Variants in C10orf71 observed in about 807,000 individuals in gnomAD.
The protein encoded by C10orf71 is cardiac-enriched FHL2-interacting protein.
For missense variants in C10orf71, 1,869 were observed against 1,804.5 expected (o/e 1.04, Z -0.65); for synonymous variants, 758 against 726.3 (o/e 1.04, Z -0.70).
intron 1 of C10orf71, among the ~76,000 whole-genome samples, chr10:49,312,372 A>G (rs1159685281): frequency 6.6e-6 from 1 of 152,208 alleles, no homozygotes; most frequent in Non-Finnish European, 1.5e-5. Context: ...GGGTCAGTGG[A>G]GGAAGTGCTG....
chr10:49,326,510 C>T lies in C10orf71; in HGVS notation c.3965C>T (p.Pro1322Leu), dbSNP rs58903010. Residue 1322 changes from proline to leucine, a missense_variant, in exon 3 of 3, where the codon CCG becomes CTG. Coordinates refer to ENST00000374144, the MANE Select transcript of C10orf71 (RefSeq NM_001135196.2). ...IPSSEGASPE[P>L]PPPDALAAPY... is the part of the protein sequence containing the mutation. The stretch of plus-strand genomic sequence containing the variant: ...TCCTCCGAGGGGGCCTCCCCAGAGC[C>T]GCCCCCACCGGACGCCCTGGCCGCT... The T allele has an allele frequency of 4.6e-4, 721 of 1,550,544 alleles. 5 individuals are homozygous for T. The African/African-American group carries it at 8.8e-3, about 19-fold the overall frequency.
In C10orf71 at chr10:49,327,404, G is replaced by A. The variant is rs1590346017; in HGVS notation, c.*551G>A. On this transcript the variant is annotated 3_prime_UTR_variant, in exon 3 of 3. Coordinates refer to ENST00000374144, the MANE Select transcript of C10orf71 (RefSeq NM_001135196.2). Reference sequence around the variant, plus strand: ...TTGCACAGAATGGGTTTCCTTCACAGGGAGAAACTTGCCTCTGAAAGCTAT... The same window carrying A: ...TTGCACAGAATGGGTTTCCTTCACAAGGAGAAACTTGCCTCTGAAAGCTAT... 1 of 172,166 alleles carries A rather than the reference G, an allele frequency of 5.8e-6. No individual in the cohort carries two copies. The highest frequency in any genetic ancestry group is 1.9e-4 in the South Asian group (1 of 5,264). 10.7% of individuals were successfully genotyped at this position (172,166 alleles called of 1,614,324 possible). A position where few individuals can be genotyped will look rare whatever the true frequency, so the allele number is the denominator to read the frequency against.
chr10:49,312,328 G>A (rs575947337), intron 1 of C10orf71, among the ~76,000 whole-genome samples: 8 of 152,304 alleles, frequency 5.3e-5, no homozygotes, highest in Non-Finnish European at 7.3e-5. Flanking sequence ...CTGGTGTTTT[G>A]CAGAACCTTC....
rs967435755 is a variant in C10orf71 at position 49,325,143 on chromosome 10, C to A, written c.2598C>A (p.Pro866=). The A allele has an allele frequency of 6.4e-7, 1 of 1,552,136 alleles. No individual in the cohort carries two copies. Among genetic ancestry groups the A allele is most frequent in the Admixed American group, 2.0e-5 (1 of 51,016 alleles). The stretch of plus-strand genomic sequence containing the variant: ...AAGACAACACCCTCAGAGCTACCCC[C>A]GTAATTAAACCTATCATGCTGCCTC... ...TIKDNTLRAT[P]VIKPIMLPLL... is the part of the protein sequence containing the mutation. Residue 866 remains proline (P), a synonymous_variant, in exon 3 of 3, where the codon CCC becomes CCA. Transcript: ENST00000374144.
At position 49,326,798 on chromosome 10, in the gene C10orf71, T is replaced by G; in HGVS notation, c.4253T>G (p.Leu1418Arg). 1 of 1,549,926 alleles carries G rather than the reference T, an allele frequency of 6.5e-7. No homozygotes were observed. Among genetic ancestry groups the G allele is most frequent in the Non-Finnish European group, 8.7e-7 (1 of 1,146,962 alleles). The change falls in exon 3 of 3, where the codon CTG becomes CGG. Residue 1418 changes from leucine to arginine, a missense_variant. Physicochemically the swap from Leu to Arg is moderately radical, Grantham distance 102. Transcript: ENST00000374144. ...PGEEGVEAPG[L>R]GIISTDDLED... ...GAGGAGGGTGTAGAAGCTCCAGGCC[T>G]GGGCATCATCTCCACTGATGACCTA...
At chr10:49,308,875 C>T (rs1848862767) in intron 1 of C10orf71, among the ~76,000 whole-genome samples, 1 of 152,172 alleles carries the variant, frequency 6.6e-6, no homozygotes, top group African/African-American at 2.4e-5. Context: ...ACAGCGAGCC[C>T]CACATGGGAG....
In C10orf71 at chr10:49,326,490, C is replaced by T. The variant is rs1849251435; in HGVS notation, c.3945C>T (p.Ser1315=). Residue 1315 remains serine, a synonymous_variant, in exon 3 of 3, where the codon TCC becomes TCT. Transcript: ENST00000374144. ...GKYVKVSIPS[S]EGASPEPPPP... The stretch of plus-strand genomic sequence containing the variant: ...ATGTCAAGGTCTCCATCCCGTCCTC[C>T]GAGGGGGCCTCCCCAGAGCCGCCCC... The T allele has an allele frequency of 1.3e-6, 2 of 1,550,140 alleles. No individual in the cohort carries two copies. Among genetic ancestry groups the T allele is most frequent in the South Asian group, 1.2e-5 (1 of 84,030 alleles).
chr10:49,322,462 G>A lies in C10orf71; in HGVS notation c.-84G>A, dbSNP rs573313027. ...GGTCAATGAGAGGCTCTAGTTTTGG[G>A]GAAGAGGGAAACACCTAACCTTGAC... On this transcript the variant is annotated 5_prime_UTR_variant, in exon 3 of 3. Coordinates refer to ENST00000374144, the MANE Select transcript of C10orf71 (RefSeq NM_001135196.2). The A allele has an allele frequency of 7.0e-7, 1 of 1,436,964 alleles. No homozygotes were observed. The highest frequency in any genetic ancestry group is 1.4e-5 in the African/African-American group (1 of 69,498). 89.0% of individuals were successfully genotyped at this position (1,436,964 alleles called of 1,614,324 possible).
chr10:49,324,091 T>C lies in C10orf71; in HGVS notation c.1546T>C (p.Ser516Pro). 1 of 1,613,892 alleles carries C rather than the reference T, an allele frequency of 6.2e-7. No individual in the cohort carries two copies. The highest frequency in any genetic ancestry group is 8.5e-7 in the Non-Finnish European group (1 of 1,179,878). ...VRKRVKSTYS[S>P]SPLLKVLDEK... is the part of the protein sequence containing the mutation. ...GAAGCGTGTTAAGAGCACATACAGT[T>C]CCTCACCTCTCTTGAAAGTGCTTGA... The change falls in exon 3 of 3, where the codon TCC (serine) becomes CCC (proline). Residue 516 changes from serine (S) to proline (P), a missense_variant. Transcript: ENST00000374144.
chr10:49,312,880 A>G (rs1848939817), intron 1 of C10orf71, among the ~76,000 whole-genome samples: 1 of 152,220 alleles, frequency 6.6e-6, no homozygotes, highest in Non-Finnish European at 1.5e-5. Context: ...GAAATTTGTG[A>G]TAATTCTGTG....
intron 1 of C10orf71, among the ~76,000 whole-genome samples, chr10:49,300,006 T>A (rs1171483221): frequency 6.6e-6 from 1 of 152,246 alleles, no homozygotes; most frequent in Non-Finnish European, 1.5e-5. Context: ...CCACAGGGTA[T>A]GCTTGACTGA....
rs760228906 is a variant in C10orf71, at chr10:49,323,199, A to G, written c.654A>G (p.Glu218=). Residue 218 remains glutamate, a synonymous_variant, in exon 3 of 3, where the codon GAA becomes GAG. Coordinates refer to ENST00000374144, the MANE Select transcript of C10orf71 (RefSeq NM_001135196.2). ...ACCAGCCAGGCAGGAAGCACGGAGA[A>G]CAGGAGTCCTCCAAGAATCCAGAAA... The part of the protein sequence containing the change: ...NSYQPGRKHG[E]QESSKNPEMA... 7 of 1,613,992 alleles carry G rather than the reference A, an allele frequency of 4.3e-6. 1 individual carries two copies. The South Asian group carries it at 7.7e-5, about 18-fold the overall frequency.
chr10:49,322,571 C>T lies in C10orf71; in HGVS notation c.26C>T (p.Thr9Ile). 6.2e-7 allele frequency: 1 copy of T among 1,610,986 alleles called. No homozygotes were observed. Among genetic ancestry groups the T allele is most frequent in the South Asian group, 1.1e-5 (1 of 90,378 alleles). MMQGNKKC[T>I]DAFSDSSSIG... ...ATGATGCAAGGAAATAAGAAGTGCACAGACGCGTTCAGCGACTCCTCCAGC... is the reference window on the plus strand; with the variant it reads ...ATGATGCAAGGAAATAAGAAGTGCATAGACGCGTTCAGCGACTCCTCCAGC... The change falls in exon 3 of 3, where the codon ACA becomes ATA. Residue 9 changes from threonine to isoleucine, a missense_variant. Thr to Ile is a moderately conservative substitution (Grantham distance 89). Coordinates refer to ENST00000374144, the MANE Select transcript of C10orf71 (RefSeq NM_001135196.2).
At position 49,327,303 on chromosome 10, in the gene C10orf71, G is replaced by C; in HGVS notation, c.*450G>C. On this transcript the variant is annotated 3_prime_UTR_variant, in exon 3 of 3. Coordinates refer to ENST00000374144, the MANE Select transcript of C10orf71 (RefSeq NM_001135196.2). ...GCAAACCCCTAAGGCCCCCAGCTCAGACTCAGCAGGCATTCAGGTCAACTC... is the reference window on the plus strand; with the variant it reads ...GCAAACCCCTAAGGCCCCCAGCTCACACTCAGCAGGCATTCAGGTCAACTC... 1 of 261,864 alleles carries C rather than the reference G, an allele frequency of 3.8e-6. No homozygotes were observed. Among genetic ancestry groups the C allele is most frequent in the South Asian group, 4.8e-5 (1 of 20,800 alleles). 16.2% of individuals were successfully genotyped at this position (261,864 alleles called of 1,614,324 possible).
In C10orf71 at chr10:49,322,833, G is replaced by A. The variant is rs560315728; in HGVS notation, c.288G>A (p.Ala96=). 87 of 1,613,910 alleles carry A rather than the reference G, an allele frequency of 5.4e-5. No homozygotes were observed. Among genetic ancestry groups the A allele is most frequent in the South Asian group, 5.2e-4 (47 of 91,078 alleles). The change falls in exon 3 of 3, where the codon GCG becomes GCA. Residue 96 remains alanine (A), a synonymous_variant. Coordinates refer to ENST00000374144, the MANE Select transcript of C10orf71 (RefSeq NM_001135196.2). The part of the protein sequence containing the change: ...PSQGTEHSGW[A]ATFQQLPKYV... ...AGGGCACGGAACATTCGGGCTGGGC[G>A]GCCACCTTCCAACAGCTACCCAAGT...
intron 1 of C10orf71, among the ~76,000 whole-genome samples, chr10:49,310,683 C>T (rs989866507): frequency 9.2e-5 from 14 of 152,076 alleles, no homozygotes; most frequent in African/African-American, 3.1e-4. Flanking sequence ...CCGTGACTGT[C>T]ACTGTGTCAT....
chr10:49,323,955 AC>A lies in C10orf71; in HGVS notation c.1415del (p.Pro472GlnfsTer4), dbSNP rs772911645. 1 of 1,612,742 alleles carries A rather than the reference AC, an allele frequency of 6.2e-7. No homozygotes were observed. The highest frequency in any genetic ancestry group is 8.5e-7 in the Non-Finnish European group (1 of 1,179,618). On this transcript the variant is annotated frameshift_variant, in exon 3 of 3. Coordinates refer to ENST00000374144, the MANE Select transcript of C10orf71 (RefSeq NM_001135196.2). LOFTEE classifies it low-confidence loss of function (END_TRUNC). ...DSQPAERTPS[P>X]PGQLNGYQEK... is the part of the protein sequence containing the mutation. ...GCCAGCCAGCAGAGCGAACCCCATCACCCCCAGGACAGCTAAACGGATACCA... is the reference window on the plus strand; with the variant it reads ...GCCAGCCAGCAGAGCGAACCCCATCACCCCAGGACAGCTAAACGGATACCA...
Position 49,326,726 on chromosome 10 carries a change from C to T in C10orf71, c.4181C>T (p.Pro1394Leu), listed in dbSNP as rs565274702. 1.2e-5 allele frequency: 18 copies of T among 1,551,318 alleles called. No homozygotes were observed. Among genetic ancestry groups the T allele is most frequent in the Middle Eastern group, 3.3e-4 (2 of 5,992 alleles). Residue 1394 changes from proline to leucine, a missense_variant, in exon 3 of 3, where the codon CCG becomes CTG. Physicochemically the swap from Pro to Leu is moderately conservative, Grantham distance 98. Coordinates refer to ENST00000374144, the MANE Select transcript of C10orf71 (RefSeq NM_001135196.2). Reference sequence around the variant, plus strand: ...CCAGGGCCTCACGGTGACTGCACCCCGCACTCTGCAGGCCAGCGCCCTCAT... The same window carrying T: ...CCAGGGCCTCACGGTGACTGCACCCTGCACTCTGCAGGCCAGCGCCCTCAT... Reference protein sequence around the residue: ...LDPGPHGDCTPHSAGQRPHGP... With the variant: ...LDPGPHGDCTLHSAGQRPHGP...
intron 1 of C10orf71, among the ~76,000 whole-genome samples, chr10:49,311,778 T>A (rs1848918495): frequency 6.6e-6 from 1 of 152,116 alleles, no homozygotes; most frequent in Non-Finnish European, 1.5e-5. Flanking sequence ...GACACATGGG[T>A]CCTGCCCCTC....
Sources: gnomAD v4.1 joint callset for allele counts (sites outside exome capture counted in the v4.1 genomes callset) on GRCh38, gnomAD v4.1.1 for gene constraint, MANE v1.5 for transcripts, NCBI Gene and HGNC (gene_info 2026-07-23, HGNC 2026-07-21) for gene names.